MAL2: variants seen among roughly 807,000 people sequenced by gnomAD.
MAL2 encodes mal, T cell differentiation protein 2.
Under a neutral mutation model 18.1 loss-of-function variants are expected in MAL2, and 17 were observed. The observed-to-expected ratio is 0.94, with a 90% CI of 0.64 to 1.41. The LOEUF (loss-of-function observed/expected upper bound fraction) is 1.41, where lower values mean the gene tolerates loss of function less well. MAL2 is among the 40% of genes most tolerant of loss of function. MAL2 has a pLI of 0.00. For synonymous variants in MAL2, 102 were observed against 102.3 expected (o/e 1.00, Z 0.02); for missense variants, 222 against 231.9 (o/e 0.96, Z 0.28).
rs1404069332 is a variant in MAL2, at chr8:119,244,385, A to C, written c.*897A>C. Reference sequence around the variant, plus strand: ...TAAACTTCAGTTGCTTAATCAAACTAATGATAGTCTAACAACTGAGCAAGA... The same window carrying C: ...TAAACTTCAGTTGCTTAATCAAACTCATGATAGTCTAACAACTGAGCAAGA... On this transcript the variant is annotated 3_prime_UTR_variant, in exon 4 of 4. Coordinates refer to ENST00000614891, the MANE Select transcript of MAL2 (RefSeq NM_052886.3). 1 of 152,208 alleles carries C rather than the reference A, an allele frequency of 6.6e-6. No homozygotes were observed. The highest frequency in any genetic ancestry group is 1.5e-5 in the Non-Finnish European group (1 of 68,036). The allele number at this position is 152,208 out of a possible 1,614,324, so 9.4% of individuals were successfully genotyped here. A position where few individuals can be genotyped will look rare whatever the true frequency, so the allele number is the denominator to read the frequency against.
At chr8:119,219,928 G>A (rs200025865) in intron 1 of MAL2, among the ~76,000 whole-genome samples, 2 of 152,162 alleles carry the variant, frequency 1.3e-5, no homozygotes, top group East Asian at 3.9e-4. Flanking sequence ...AGAATCTCAA[G>A]TACACATAGG....
chr8:119,239,284 G>A (rs146351136), intron 2 of MAL2, among the ~76,000 whole-genome samples: 87,020 of 151,542 alleles, frequency 0.57, 26,729 homozygotes, highest in Non-Finnish European at 0.7. Context: ...AACAGGTGCT[G>A]GAGAGGATGT....
chr8:119,211,750 T>C (rs561251915), intron 1 of MAL2, among the ~76,000 whole-genome samples: 4 of 149,720 alleles, frequency 2.7e-5, no homozygotes, highest in Non-Finnish European at 5.9e-5. Flanking sequence ...CACTCCTGGA[T>C]ACCTAATTGT....
At chr8:119,210,114 T>G (rs1817247534) in intron 1 of MAL2, among the ~76,000 whole-genome samples, 1 of 152,232 alleles carries the variant, frequency 6.6e-6, no homozygotes, top group Non-Finnish European at 1.5e-5. Context: ...ATTGAAATAC[T>G]TTCTAAACTT....
chr8:119,239,258 T>G (rs1235466845), intron 2 of MAL2, among the ~76,000 whole-genome samples: 5 of 152,024 alleles, frequency 3.3e-5, no homozygotes, highest in Admixed American at 1.3e-4. Context: ...TGGCAATCAT[T>G]AAAAAGTCAG....
chr8:119,232,054 T>G (rs1817742305), intron 2 of MAL2, among the ~76,000 whole-genome samples: 1 of 152,046 alleles, frequency 6.6e-6, no homozygotes, highest in Non-Finnish European at 1.5e-5. Context: ...AAAAAATATT[T>G]TAGATGTTCT....
At chr8:119,233,493 A>T (rs567848758) in intron 2 of MAL2, among the ~76,000 whole-genome samples, 51 of 152,344 alleles carry the variant, frequency 3.3e-4, no homozygotes, top group Admixed American at 6.5e-4. Context: ...GACGAAGGGG[A>T]TAGCAGCACT....
intron 1 of MAL2, 125 bp from the exon 2 acceptor site, chr8:119,221,462 C>T (rs1817462568): frequency 8.6e-7 from 1 of 1,158,910 alleles, no homozygotes; most frequent in African/African-American, 1.5e-5. Flanking sequence ...GATGGGGTTG[C>T]TGGAATATGT....
intron 2 of MAL2, among the ~76,000 whole-genome samples, chr8:119,234,649 C>A (rs1198537860): frequency 2.0e-5 from 3 of 151,832 alleles, no homozygotes; most frequent in Admixed American, 1.3e-4. Context: ...GGGTCCCTGA[C>A]CCCTGACCCC....
chr8:119,237,488 AAG>A (rs1175429223), intron 2 of MAL2, among the ~76,000 whole-genome samples: 12 of 151,602 alleles, frequency 7.9e-5, no homozygotes, highest in Admixed American at 6.5e-5. Flanking sequence ...ACAACCAAAA[AAG>A]AGAATTTTAG....
chr8:119,231,725 T>C (rs1361683307), intron 2 of MAL2, among the ~76,000 whole-genome samples: 1 of 152,238 alleles, frequency 6.6e-6, no homozygotes, highest in Non-Finnish European at 1.5e-5. Flanking sequence ...AAATGCAGTA[T>C]ATATTCACAA....
chr8:119,217,777 C>A (rs1324176417), intron 1 of MAL2, among the ~76,000 whole-genome samples: 1 of 152,094 alleles, frequency 6.6e-6, no homozygotes, highest in African/African-American at 2.4e-5. Context: ...CTGCTTTTTA[C>A]TTCTAAAAAT....
At chr8:119,238,313 G>T (rs540929142) in intron 2 of MAL2, among the ~76,000 whole-genome samples, 2 of 152,068 alleles carry the variant, frequency 1.3e-5, no homozygotes, top group African/African-American at 2.4e-5. Flanking sequence ...CATGCTCATG[G>T]GTAGGAAGAA....
At chr8:119,238,609 A>G (rs539569322) in intron 2 of MAL2, among the ~76,000 whole-genome samples, 1 of 149,522 alleles carries the variant, frequency 6.7e-6, no homozygotes, top group East Asian at 1.9e-4. Context: ...CAGAGCCCTC[A>G]GAAATAACGC....
chr8:119,228,330 A>C (rs1415159876), intron 2 of MAL2, among the ~76,000 whole-genome samples: 1 of 152,104 alleles, frequency 6.6e-6, no homozygotes, highest in East Asian at 1.9e-4. Flanking sequence ...CCTGACCATG[A>C]AAAACCTAGA....
At chr8:119,228,267 T>A (rs1164123843) in intron 2 of MAL2, among the ~76,000 whole-genome samples, 2 of 152,130 alleles carry the variant, frequency 1.3e-5, no homozygotes, top group African/African-American at 4.8e-5. Flanking sequence ...AGCTTGTAGC[T>A]CAATGGGACC....
intron 1 of MAL2, among the ~76,000 whole-genome samples, chr8:119,220,682 C>G (rs1195695161): frequency 1.3e-5 from 2 of 152,154 alleles, no homozygotes; most frequent in Non-Finnish European, 2.9e-5. Flanking sequence ...CTATGCGGGG[C>G]TACTCTCAGC....
Position 119,221,744 on chromosome 8 carries a change from A to C in MAL2, c.290A>C (p.Asn97Thr). The change falls in exon 2 of 4, where the codon AAC becomes ACC. Residue 97 changes from asparagine to threonine, a missense_variant. Coordinates refer to ENST00000614891, the MANE Select transcript of MAL2 (RefSeq NM_052886.3). ...LSGMVAQIDANWNFLDFAYHF... is the reference protein window; with the variant it reads ...LSGMVAQIDATWNFLDFAYHF... ...GGCATGGTGGCTCAAATTGATGCTA[A>C]CTGGAACTTCCTGGTAAGGACTTTT... 1 of 1,613,762 alleles carries C rather than the reference A, an allele frequency of 6.2e-7. No homozygotes were observed. The highest frequency in any genetic ancestry group is 8.5e-7 in the Non-Finnish European group (1 of 1,179,770).
chr8:119,234,299 G>A (rs1185964410), intron 2 of MAL2, among the ~76,000 whole-genome samples: 2 of 152,206 alleles, frequency 1.3e-5, no homozygotes, highest in Non-Finnish European at 2.9e-5. Flanking sequence ...ACCTGGCTGG[G>A]AGGGTCCTAT....
Sources: gnomAD v4.1 joint callset for allele counts (sites outside exome capture counted in the v4.1 genomes callset) on GRCh38, gnomAD v4.1.1 for gene constraint, MANE v1.5 for transcripts, NCBI Gene and HGNC (gene_info 2026-07-23, HGNC 2026-07-21) for gene names.